IFNG-AS1: variants seen among roughly 807,000 people sequenced by gnomAD.
IFNG-AS1 encodes the protein IFNG antisense RNA 1 (non-protein coding).
rs148974691 is a variant in IFNG-AS1 at position 68,019,472 on chromosome 12, C to T, written n.242-390C>T. 3.3e-5 allele frequency among the ~76,000 whole-genome samples: 5 copies of T among 152,242 alleles called. No individual in the cohort carries two copies. The East Asian group carries it at 9.7e-4, about 29-fold the overall frequency. On this transcript the variant is annotated intron_variant and non_coding_transcript_variant, in intron 3 of 5. Transcript: ENST00000536914. Reference sequence around the variant, plus strand: ...ATCCATGCTAATATACACTGTGCTTCCCTGACTCCCACGTACCTCTGGAGC... The same window carrying T: ...ATCCATGCTAATATACACTGTGCTTTCCTGACTCCCACGTACCTCTGGAGC...
At chr12:68,017,029 A>C (rs1477061045) in intron 3 of IFNG-AS1, among the ~76,000 whole-genome samples, 4 of 152,200 alleles carry the variant, frequency 2.6e-5, no homozygotes, top group African/African-American at 9.7e-5. Flanking sequence ...AGAAAAGAAC[A>C]GAGTGCCCTA....
intron 3 of IFNG-AS1, among the ~76,000 whole-genome samples, chr12:68,014,285 T>C (rs1232088213): frequency 6.6e-6 from 1 of 152,208 alleles, no homozygotes. Flanking sequence ...TGACATCTTG[T>C]CCTCTGGGTA....
chr12:68,006,367 A>T (rs1190985797), intron 3 of IFNG-AS1, among the ~76,000 whole-genome samples: 1 of 152,258 alleles, frequency 6.6e-6, no homozygotes, highest in African/African-American at 2.4e-5. Flanking sequence ...GGAAATTTTT[A>T]TGTATAAAAC....
At chr12:68,017,324 T>G (rs984041595) in intron 3 of IFNG-AS1, among the ~76,000 whole-genome samples, 1 of 152,164 alleles carries the variant, frequency 6.6e-6, no homozygotes, top group Non-Finnish European at 1.5e-5. Context: ...CAAGGGCAAC[T>G]GGAGGCCATG....
At chr12:68,010,495 T>C (rs1475775787) in intron 3 of IFNG-AS1, among the ~76,000 whole-genome samples, 1 of 152,186 alleles carries the variant, frequency 6.6e-6, no homozygotes, top group Non-Finnish European at 1.5e-5. Context: ...CCCCTACCCC[T>C]TGCCACAATC....
At chr12:67,996,437 A>G (rs1879643609) in intron 2 of IFNG-AS1, among the ~76,000 whole-genome samples, 1 of 152,244 alleles carries the variant, frequency 6.6e-6, no homozygotes, top group South Asian at 2.1e-4. Flanking sequence ...GGTGAATCAG[A>G]GCTGAGATTT....
At chr12:67,996,659 C>A (rs1879648791) in intron 2 of IFNG-AS1, among the ~76,000 whole-genome samples, 2 of 152,138 alleles carry the variant, frequency 1.3e-5, no homozygotes, top group African/African-American at 2.4e-5. Flanking sequence ...TTCTCTCTTT[C>A]AAATGGAAGC....
intron 3 of IFNG-AS1, among the ~76,000 whole-genome samples, chr12:68,011,703 C>T (rs1253506980): frequency 2.0e-5 from 3 of 152,052 alleles, no homozygotes; most frequent in African/African-American, 7.2e-5. Context: ...CATGCTGAGA[C>T]CAATTGGTCT....
chr12:68,011,707 T>C (rs1034879790), intron 3 of IFNG-AS1, among the ~76,000 whole-genome samples: 10 of 152,078 alleles, frequency 6.6e-5, no homozygotes, highest in East Asian at 1.9e-4. Context: ...CTGAGACCAA[T>C]TGGTCTCCAC....
intron 2 of IFNG-AS1, among the ~76,000 whole-genome samples, chr12:67,999,725 T>TA (rs541232681): frequency 1.1e-3 from 169 of 152,044 alleles, no homozygotes; most frequent in African/African-American, 3.6e-3. Flanking sequence ...ATTATTAAAG[T>TA]AAAAAAAATC....
In IFNG-AS1 at chr12:67,999,934, T is replaced by C. The variant is rs145018580; in HGVS notation, n.184+3861T>C. 1.2e-4 allele frequency among the ~76,000 whole-genome samples: 19 copies of C among 152,328 alleles called. No individual in the cohort carries two copies. In the East Asian group the frequency reaches 3.3e-3, roughly 26 times the overall value. On this transcript the variant is annotated intron_variant and non_coding_transcript_variant, in intron 2 of 5. Coordinates refer to ENST00000536914, the Ensembl canonical transcript of IFNG-AS1. Reference sequence around the variant, plus strand: ...AGAAGTATTCAACAAAAAGGACCCATGATATATGTACTGAGAAGCCCACAA... The same window carrying C: ...AGAAGTATTCAACAAAAAGGACCCACGATATATGTACTGAGAAGCCCACAA...
At chr12:68,018,032 TC>T (rs1466986755) in intron 3 of IFNG-AS1, among the ~76,000 whole-genome samples, 3 of 152,096 alleles carry the variant, frequency 2.0e-5, no homozygotes, top group Admixed American at 1.3e-4. Flanking sequence ...TGTGTTCATC[TC>T]CCCTTGTGAA....
intron 2 of IFNG-AS1, among the ~76,000 whole-genome samples, chr12:67,997,736 C>A (rs1320476744): frequency 6.6e-6 from 1 of 151,222 alleles, no homozygotes; most frequent in Admixed American, 6.6e-5. Flanking sequence ...AAAATGCTTG[C>A]AACATTAATC....
At chr12:67,990,349 G>T (rs1879476073) in intron 1 of IFNG-AS1, among the ~76,000 whole-genome samples, 2 of 152,222 alleles carry the variant, frequency 1.3e-5, no homozygotes, top group Non-Finnish European at 1.5e-5. Flanking sequence ...GGGCTGCATG[G>T]GAGAATGTTT....
chr12:68,013,452 G>A (rs1364405405), intron 3 of IFNG-AS1: 2 of 152,184 alleles, frequency 1.3e-5, no homozygotes, highest in Non-Finnish European at 2.9e-5. Context: ...GGTACAGTAG[G>A]TTACATGTCA....
Position 68,014,894 on chromosome 12 carries a change from T to C in IFNG-AS1, n.242-4968T>C, listed in dbSNP as rs115013949. 9.7e-3 allele frequency among the ~76,000 whole-genome samples: 1,472 copies of C among 152,282 alleles called. 24 individuals carry two copies. The highest frequency in any genetic ancestry group is 0.033 in the African/African-American group (1,370 of 41,536). On this transcript the variant is annotated intron_variant and non_coding_transcript_variant, in intron 3 of 5. Coordinates refer to ENST00000536914, the Ensembl canonical transcript of IFNG-AS1. ...TAAATTTGGAAAATAGAATGGCGTC[T>C]ATTTTCAGATGGTCAGATTAATTGT...
intron 2 of IFNG-AS1, among the ~76,000 whole-genome samples, chr12:67,997,821 AT>A (rs781017351): frequency 6.6e-6 from 1 of 152,004 alleles, no homozygotes; most frequent in African/African-American, 2.4e-5. Flanking sequence ...TTTTAAAAAA[AT>A]ATTGAACTAG....
At chr12:68,003,964 T>TGTAAGCTTTGGGATGCCGAG (rs57502767) in intron 2 of IFNG-AS1, among the ~76,000 whole-genome samples, 1 of 150,724 alleles carries the variant, frequency 6.6e-6, no homozygotes, top group South Asian at 2.1e-4. Flanking sequence ...TATGTTGGTT[T>TGTAAGCTTTGGGATGCCGAG]GTATGTGGCA....
At chr12:67,990,141 A>T (rs1206648325) in intron 1 of IFNG-AS1, among the ~76,000 whole-genome samples, 1 of 152,112 alleles carries the variant, frequency 6.6e-6, no homozygotes, top group Non-Finnish European at 1.5e-5. Context: ...TACTGCTAAC[A>T]CTACTGGTTC....
Sources: gnomAD v4.1 joint callset for allele counts (sites outside exome capture counted in the v4.1 genomes callset) on GRCh38, gnomAD v4.1.1 for gene constraint, MANE v1.5 for transcripts, NCBI Gene and HGNC (gene_info 2026-07-23, HGNC 2026-07-21) for gene names.